SNX29: variants seen among roughly 807,000 people sequenced by gnomAD.
The protein encoded by SNX29 is sorting nexin 29, also known as sorting nexin-29.
A neutral mutation model predicts 102.1 loss-of-function variants in SNX29; 78 were observed. That is an observed-to-expected ratio of 0.76 (90% CI 0.64 to 0.92). SNX29 has a LOEUF of 0.92. SNX29 is among the 40% of genes least tolerant of loss of function. The pLI is 0.00. For synonymous variants in SNX29, 580 were observed against 414.5 expected (o/e 1.40, Z -4.85); for missense variants, 1,280 against 1,061.7 (o/e 1.21, Z -2.86).
intron 20 of SNX29, chr16:12,557,270 T>TG (rs1444492959): frequency 6.6e-6 from 1 of 151,884 alleles, no homozygotes; most frequent in Non-Finnish European, 1.5e-5. Context: ...AAGTGGGGAG[T>TG]GCAGGCAGAA....
intron 15 of SNX29, among the ~76,000 whole-genome samples, chr16:12,319,155 A>G (rs2080848245): frequency 1.3e-5 from 2 of 152,186 alleles, no homozygotes; most frequent in African/African-American, 4.8e-5. Context: ...CAGCCCTTGT[A>G]TAAGGGCAGT....
chr16:12,075,635 G>T (rs1230445908), intron 10 of SNX29, among the ~76,000 whole-genome samples: 2 of 152,220 alleles, frequency 1.3e-5, no homozygotes, highest in African/African-American at 4.8e-5. Context: ...ACTTGAGGAG[G>T]CAGTCTGCCC....
chr16:12,274,292 T>C (rs1034797440), intron 14 of SNX29, among the ~76,000 whole-genome samples: 3 of 152,148 alleles, frequency 2.0e-5, no homozygotes, highest in African/African-American at 4.8e-5. Flanking sequence ...CTAGTTTTTA[T>C]CCTTTGTAAA....
chr16:12,318,650 T>C (rs549344647), intron 15 of SNX29, among the ~76,000 whole-genome samples: 1 of 152,286 alleles, frequency 6.6e-6, no homozygotes, highest in Admixed American at 6.5e-5. Flanking sequence ...AGGGTTGCGC[T>C]GCTTGTTCTT....
At chr16:11,997,246 G>A (rs181304047) in intron 1 of SNX29, among the ~76,000 whole-genome samples, 6 of 151,968 alleles carry the variant, frequency 3.9e-5, no homozygotes, top group African/African-American at 1.5e-4. Context: ...TCCTACCTCC[G>A]AGCCTCTCCC....
chr16:12,205,165 A>G (rs1177693551), intron 14 of SNX29, among the ~76,000 whole-genome samples: 1 of 152,140 alleles, frequency 6.6e-6, no homozygotes, highest in African/African-American at 2.4e-5. Flanking sequence ...TTGCAGGGTA[A>G]CTTTTTATTC....
At chr16:12,284,673 T>C (rs1018296817) in intron 15 of SNX29, among the ~76,000 whole-genome samples, 5 of 152,206 alleles carry the variant, frequency 3.3e-5, no homozygotes, top group African/African-American at 1.2e-4. Flanking sequence ...GATAAGACTC[T>C]AATTGTTTTC....
intron 14 of SNX29, among the ~76,000 whole-genome samples, chr16:12,254,213 A>G (rs1018028230): frequency 1.3e-5 from 2 of 152,204 alleles, no homozygotes; most frequent in Non-Finnish European, 2.9e-5. Context: ...GCCGGGGCCC[A>G]CAATACCGAA....
intron 18 of SNX29, among the ~76,000 whole-genome samples, chr16:12,434,881 C>T (rs1015323722): frequency 9.4e-5 from 14 of 149,408 alleles, no homozygotes; most frequent in African/African-American, 3.0e-4. Flanking sequence ...ACGTTACAGA[C>T]GTCTGTTACA....
chr16:12,351,005 A>C (rs12102413), intron 15 of SNX29, among the ~76,000 whole-genome samples: 8,559 of 152,292 alleles, frequency 0.056, 396 homozygotes, highest in African/African-American at 0.12. Context: ...ATATCCCAAG[A>C]GGGAGTGCAA....
intron 18 of SNX29, among the ~76,000 whole-genome samples, chr16:12,424,430 TATC>T (rs1445902816): frequency 1.3e-5 from 2 of 152,218 alleles, no homozygotes; most frequent in African/African-American, 4.8e-5. Flanking sequence ...AATGTGCTAA[TATC>T]ATGGAGATGA....
At chr16:12,451,534 G>T (rs2086299817) in intron 18 of SNX29, among the ~76,000 whole-genome samples, 1 of 152,212 alleles carries the variant, frequency 6.6e-6, no homozygotes, top group Non-Finnish European at 1.5e-5. Context: ...AGCATTAACA[G>T]AAATAGGAAA....
intron 16 of SNX29, among the ~76,000 whole-genome samples, chr16:12,391,138 G>A (rs1404611413): frequency 6.6e-6 from 1 of 152,022 alleles, no homozygotes; most frequent in Admixed American, 6.6e-5. Flanking sequence ...TTGAGATGGG[G>A]TCTCCCTGTG....
intron 14 of SNX29, among the ~76,000 whole-genome samples, chr16:12,247,327 C>T (rs977363871): frequency 3.3e-5 from 5 of 152,152 alleles, no homozygotes; most frequent in African/African-American, 9.7e-5. Flanking sequence ...TTGCATTTTT[C>T]GACAAAACTC....
At chr16:12,083,729 TCTC>T (rs2052024424) in intron 11 of SNX29, among the ~76,000 whole-genome samples, 1 of 152,120 alleles carries the variant, frequency 6.6e-6, no homozygotes, top group South Asian at 2.1e-4. Flanking sequence ...CACCTGAGAT[TCTC>T]CTCTAGAGCA....
At chr16:12,301,362 C>T (rs1428439297) in intron 15 of SNX29, among the ~76,000 whole-genome samples, 2 of 152,216 alleles carry the variant, frequency 1.3e-5, no homozygotes, top group African/African-American at 4.8e-5. Flanking sequence ...TACTCTCCAG[C>T]CCCCTCAGCC....
intron 20 of SNX29, among the ~76,000 whole-genome samples, chr16:12,531,858 G>C (rs2076940717): frequency 6.6e-6 from 1 of 152,214 alleles, no homozygotes; most frequent in East Asian, 1.9e-4. Context: ...TCAGGTAGCA[G>C]TTTCTCCCAG....
At chr16:12,180,848 C>T (rs1164898268) in intron 13 of SNX29, among the ~76,000 whole-genome samples, 2 of 152,140 alleles carry the variant, frequency 1.3e-5, no homozygotes, top group Admixed American at 6.5e-5. Flanking sequence ...GTAGAGGGAG[C>T]AGAGCTCTCT....
intron 15 of SNX29, among the ~76,000 whole-genome samples, chr16:12,292,887 C>G (rs902877384): frequency 6.6e-6 from 1 of 152,192 alleles, no homozygotes; most frequent in Non-Finnish European, 1.5e-5. Context: ...ATTTTACTAA[C>G]CTTGTTTAAG....
Sources: gnomAD v4.1 joint callset for allele counts (sites outside exome capture counted in the v4.1 genomes callset) on GRCh38, gnomAD v4.1.1 for gene constraint, MANE v1.5 for transcripts, NCBI Gene and HGNC (gene_info 2026-07-23, HGNC 2026-07-21) for gene names.